SEL1L: variants seen among roughly 807,000 people sequenced by gnomAD.
SEL1L encodes the protein protein sel-1 homolog 1.
In SEL1L, 52 loss-of-function variants were observed where a neutral mutation model predicts 109.8. The observed-to-expected ratio is 0.47, with a 90% CI of 0.38 to 0.60. The LOEUF (loss-of-function observed/expected upper bound fraction) is 0.60. Among genes scored for constraint, SEL1L ranks in the 20% least tolerant of loss-of-function variants. SEL1L has a pLI of 0.00. For missense variants in SEL1L, 749 were observed against 962.2 expected (o/e 0.78, Z 2.93); for synonymous variants, 373 against 339.6 (o/e 1.10, Z -1.08).
chr14:81,484,079 G>T, intron 19 of SEL1L, 146 bp downstream of exon 19: 1 of 789,316 alleles, frequency 1.3e-6, no homozygotes. Context: ...TGGAAGGGCA[G>T]TCTTCTGAAA....
rs1903142574 is a variant in SEL1L at position 81,475,829 on chromosome 14, A to G, written c.*1143T>C. ...GCAGTGGCTGGCTTTCTATTATAAT[A>G]TAAAACTATCAGAAATAAAAAGATA... On this transcript the variant is annotated 3_prime_UTR_variant, in exon 21 of 21. Transcript: ENST00000336735. 1 of 152,234 alleles carries G rather than the reference A, an allele frequency of 6.6e-6. No individual in the cohort carries two copies. Among genetic ancestry groups the G allele is most frequent in the Admixed American group, 6.5e-5 (1 of 15,284 alleles). 9.4% of individuals were successfully genotyped at this position (152,234 alleles called of 1,614,324 possible). A position where few individuals can be genotyped will look rare whatever the true frequency, so the allele number is the denominator to read the frequency against.
In SEL1L at chr14:81,474,978, A is replaced by C. The variant is rs1425608326; in HGVS notation, c.*1994T>G. On this transcript the variant is annotated 3_prime_UTR_variant, in exon 21 of 21. Coordinates refer to ENST00000336735, the MANE Select transcript of SEL1L (RefSeq NM_005065.6). ...GATATAAAAATCTTGCTAAAGGAAA[A>C]ATGAGGGTGGATGGCAGAAGAAAAA... is the stretch of plus-strand genomic sequence containing the variant. 1 of 152,188 alleles carries C rather than the reference A, an allele frequency of 6.6e-6. No homozygotes were observed. Among genetic ancestry groups the C allele is most frequent in the African/African-American group, 2.4e-5 (1 of 41,448 alleles). The allele number at this position is 152,188 out of a possible 1,614,324, so 9.4% of individuals were successfully genotyped here.
chr14:81,479,865 A>G, intron 19 of SEL1L, 125 bp from the exon 20 acceptor site: 1 of 873,606 alleles, frequency 1.1e-6, no homozygotes, highest in Non-Finnish European at 1.7e-6. Flanking sequence ...TCCCTCACCT[A>G]AACAAAAATG....
chr14:81,498,695 A>G, intron 8 of SEL1L: 1 of 497,016 alleles, frequency 2.0e-6, no homozygotes, highest in Non-Finnish European at 3.6e-6. Flanking sequence ...AGAGCAAGGA[A>G]ATAAATAATA....
chr14:81,486,399 T>G lies in SEL1L; in HGVS notation c.1688A>C (p.Tyr563Ser). 6.2e-7 allele frequency: 1 copy of G among 1,614,162 alleles called. No individual in the cohort carries two copies. The highest frequency in any genetic ancestry group is 8.5e-7 in the Non-Finnish European group (1 of 1,180,012). Reference protein sequence around the residue: ...GRWSERLMTAYNSYKDGDYNA... With the variant: ...GRWSERLMTASNSYKDGDYNA... The stretch of plus-strand genomic sequence containing the variant: ...GTAATCGCCATCTTTATAGCTGTTA[T>G]AGGCAGTCATAAGCCTTTCAGACCA... Residue 563 changes from tyrosine to serine, a missense_variant, in exon 17 of 21, where the codon TAT becomes TCT. Tyr to Ser is a moderately radical substitution (Grantham distance 144, BLOSUM62 -2). Coordinates refer to ENST00000336735, the MANE Select transcript of SEL1L (RefSeq NM_005065.6).
chr14:81,523,161 G>C (rs1884989647), intron 3 of SEL1L, among the ~76,000 whole-genome samples: 1 of 152,136 alleles, frequency 6.6e-6, no homozygotes, highest in African/African-American at 2.4e-5. Context: ...AGAGAGCCTT[G>C]GGATAGGACT....
At chr14:81,531,358 T>G (rs778153343) in intron 1 of SEL1L, among the ~76,000 whole-genome samples, 1 of 152,244 alleles carries the variant, frequency 6.6e-6, no homozygotes, top group Non-Finnish European at 1.5e-5. Flanking sequence ...TTCTCTTTGT[T>G]GGCTGACCAT....
intron 8 of SEL1L, 76 bp from the exon 9 acceptor site, chr14:81,498,570 A>C (rs989013095): frequency 1.7e-5 from 18 of 1,085,128 alleles, no homozygotes; most frequent in Non-Finnish European, 2.5e-5. Flanking sequence ...AAATAAAGCT[A>C]AGCATACCCA....
intron 3 of SEL1L, among the ~76,000 whole-genome samples, chr14:81,523,417 G>T (rs543406222): frequency 9.2e-5 from 14 of 151,936 alleles, no homozygotes; most frequent in Non-Finnish European, 1.5e-4. Flanking sequence ...GATCAGAGTG[G>T]GCATGGAAGC....
intron 3 of SEL1L, among the ~76,000 whole-genome samples, chr14:81,510,939 T>C (rs1884452840): frequency 6.6e-6 from 1 of 152,132 alleles, no homozygotes; most frequent in Non-Finnish European, 1.5e-5. Context: ...CCAAGGACTA[T>C]GAACAAAGCA....
intron 3 of SEL1L, among the ~76,000 whole-genome samples, chr14:81,518,173 A>G (rs1884774338): frequency 6.6e-6 from 1 of 151,492 alleles, no homozygotes; most frequent in African/African-American, 2.4e-5. Context: ...GATTACAGGC[A>G]TGAGCCACTG....
intron 3 of SEL1L, among the ~76,000 whole-genome samples, chr14:81,510,231 G>A (rs530925876): frequency 6.6e-6 from 1 of 152,192 alleles, no homozygotes; most frequent in Admixed American, 6.5e-5. Context: ...TAGCAGTCTG[G>A]AGGAGGCTCA....
chr14:81,499,538 G>A lies in SEL1L; in HGVS notation c.832-20C>T, dbSNP rs1159101092. The A allele has an allele frequency of 3.1e-6, 5 of 1,609,314 alleles. No individual in the cohort carries two copies. Among genetic ancestry groups the A allele is most frequent in the Admixed American group, 1.7e-5 (1 of 58,974 alleles). On this transcript the variant is annotated intron_variant, in intron 7 of 20. Coordinates refer to ENST00000336735, the MANE Select transcript of SEL1L (RefSeq NM_005065.6). The stretch of plus-strand genomic sequence containing the variant: ...AAGAGCCTGTGAAAGAACAAAACAT[G>A]TTTAACTGAACATAGGCACGCATTT...
intron 1 of SEL1L, 92 bp downstream of exon 1, chr14:81,533,583 G>C: frequency 8.2e-7 from 1 of 1,218,410 alleles, no homozygotes; most frequent in Non-Finnish European, 1.2e-6. Context: ...GGGAGAACGG[G>C]GTCCCGAGCC....
intron 5 of SEL1L, among the ~76,000 whole-genome samples, chr14:81,503,292 C>A (rs1421988148): frequency 1.3e-5 from 2 of 152,298 alleles, no homozygotes; most frequent in East Asian, 3.9e-4. Flanking sequence ...CTCTGATAAT[C>A]TTATTTCTAT....
intron 11 of SEL1L, 42 bp downstream of exon 11, chr14:81,495,039 T>A (rs1275525521): frequency 6.3e-7 from 1 of 1,576,620 alleles, no homozygotes; most frequent in Non-Finnish European, 8.7e-7. Context: ...CATCATTTCC[T>A]GCTAAAACTG....
chr14:81,517,467 G>A (rs1884745812), intron 3 of SEL1L, among the ~76,000 whole-genome samples: 1 of 152,094 alleles, frequency 6.6e-6, no homozygotes, highest in South Asian at 2.1e-4. Context: ...CAAAAAAACT[G>A]GGGGAGGTAA....
chr14:81,523,767 C>T (rs969136087), intron 3 of SEL1L, among the ~76,000 whole-genome samples: 1 of 152,172 alleles, frequency 6.6e-6, no homozygotes, highest in Admixed American at 6.5e-5. Context: ...AGCAGACATC[C>T]TGCTGGTCTC....
intron 1 of SEL1L, among the ~76,000 whole-genome samples, chr14:81,533,016 G>C (rs902004495): frequency 2.0e-5 from 3 of 152,146 alleles, no homozygotes; most frequent in African/African-American, 7.2e-5. Flanking sequence ...ACAAATTTCT[G>C]TATCTATATA....
Sources: allele counts gnomAD v4.1 joint callset (sites outside exome capture counted in the v4.1 genomes callset), GRCh38; gene constraint gnomAD v4.1.1; transcripts MANE v1.5; gene names NCBI Gene and HGNC (gene_info 2026-07-23, HGNC 2026-07-21).